The following TMEM229B variants were observed in gnomAD, a reference collection of about 807,000 sequenced individuals.
TMEM229B encodes the protein transmembrane protein 229B, also known as chromosome 14 open reading frame 83.
TMEM229B carries 6 observed loss-of-function variants against 13.7 expected under a neutral mutation model. That is an observed-to-expected ratio of 0.44 (90% CI 0.24 to 0.86). TMEM229B has a LOEUF of 0.86. Among genes scored for constraint, TMEM229B ranks in the 40% least tolerant of loss-of-function variants. TMEM229B has a pLI of 0.23. For synonymous variants in TMEM229B, 107 were observed against 102.1 expected (o/e 1.05, Z -0.29); for missense variants, 170 against 236.0 (o/e 0.72, Z 1.83).
At chr14:67,515,056 G>A (rs2033157949) in intron 1 of TMEM229B, 1 of 152,358 alleles carries the variant, frequency 6.6e-6, no homozygotes, top group South Asian at 2.1e-4. Flanking sequence ...GCGGCGGAAA[G>A]GCCTCTCTGC....
chr14:67,501,290 A>C (rs1005093477), intron 1 of TMEM229B, among the ~76,000 whole-genome samples: 1 of 152,126 alleles, frequency 6.6e-6, no homozygotes, highest in Non-Finnish European at 1.5e-5. Context: ...GAGACAAGAC[A>C]TGCACTCAGC....
Position 67,476,041 on chromosome 14 carries a change from G to A in TMEM229B, c.-18-2100C>T, listed in dbSNP as rs115337982. ...TGTGGGACTGCATCAAGAATGGGAA[G>A]GTAGGGCTTGAGAACATAAATCCCA... On this transcript the variant is annotated intron_variant, in intron 2 of 2. Transcript: ENST00000554480. 2.4e-3 allele frequency among the ~76,000 whole-genome samples: 369 copies of A among 152,338 alleles called. 1 individual carries two copies. Among genetic ancestry groups the A allele is most frequent in the African/African-American group, 8.4e-3 (350 of 41,576 alleles).
intron 1 of TMEM229B, among the ~76,000 whole-genome samples, chr14:67,533,041 A>G (rs2033518336): frequency 1.3e-5 from 2 of 152,100 alleles, no homozygotes; most frequent in South Asian, 4.1e-4. Flanking sequence ...GGTGCGGAGA[A>G]GTGGGAGGCT....
At chr14:67,489,525 T>C (rs1010219040), upstream of TMEM229B, among the ~76,000 whole-genome samples, 2 of 152,188 alleles carry the variant, frequency 1.3e-5, no homozygotes, top group African/African-American at 2.4e-5. Context: ...TTTCAAGCAC[T>C]GTCATCTCTC....
intron 1 of TMEM229B, among the ~76,000 whole-genome samples, chr14:67,502,742 G>A (rs998932559): frequency 6.6e-6 from 1 of 151,906 alleles, no homozygotes; most frequent in Non-Finnish European, 1.5e-5. Context: ...GTGAGCCACC[G>A]CGCCGGGCCC....
intron 1 of TMEM229B, among the ~76,000 whole-genome samples, chr14:67,494,238 A>G (rs1410673024): frequency 2.6e-5 from 4 of 152,258 alleles, no homozygotes; most frequent in African/African-American, 9.6e-5. Context: ...CTCATTAACC[A>G]TGTAATTAGA....
rs8018408 is a variant in TMEM229B, at chr14:67,484,541, A to G, written c.-19+2459T>C. ...AAGCAAAAGTTCCCTGTAATCACAC[A>G]TCTTAGAGAAAGTCACTATTAATGG... On this transcript the variant is annotated intron_variant, in intron 2 of 2. Transcript: ENST00000554480. Among the ~76,000 whole-genome samples the G allele has an allele frequency of 3.9e-3, 598 of 152,336 alleles. 1 individual carries two copies. Among genetic ancestry groups the G allele is most frequent in the African/African-American group, 0.014 (566 of 41,578 alleles).
intron 1 of TMEM229B, among the ~76,000 whole-genome samples, chr14:67,500,616 G>T (rs1410311945): frequency 2.7e-5 from 4 of 145,890 alleles, no homozygotes; most frequent in African/African-American, 5.1e-5. Flanking sequence ...CTGTCCCCCA[G>T]GCTGGAGTGC....
rs2030890436 is a variant in TMEM229B, at chr14:67,473,257, C to G, written c.*163G>C. 1.1e-5 allele frequency: 11 copies of G among 963,246 alleles called. No homozygotes were observed. The highest frequency in any genetic ancestry group is 1.5e-5 in the Non-Finnish European group (10 of 660,252). The allele number at this position is 963,246 out of a possible 1,614,324, so 59.7% of individuals were successfully genotyped here. On this transcript the variant is annotated 3_prime_UTR_variant, in exon 3 of 3. Coordinates refer to ENST00000554480, the MANE Select transcript of TMEM229B (RefSeq NM_001348543.2). The surrounding 1 kb of genome is among the most constrained non-coding windows in gnomAD (Gnocchi z 6.5). ...TCCCCCAACACCTGACCACGGCCCC[C>G]CAACACCGGCCCCCGCGGACGTTAG...
At chr14:67,525,781 C>G (rs550064356) in intron 1 of TMEM229B, among the ~76,000 whole-genome samples, 1 of 152,246 alleles carries the variant, frequency 6.6e-6, no homozygotes, top group East Asian at 1.9e-4. Context: ...ACAATTTTGC[C>G]TCCCAAAAGA....
At chr14:67,498,588 A>C (rs571093188) in intron 1 of TMEM229B, among the ~76,000 whole-genome samples, 4 of 152,372 alleles carry the variant, frequency 2.6e-5, no homozygotes, top group Non-Finnish European at 5.9e-5. Context: ...TGCAATGCCA[A>C]GAAAGACGAA....
chr14:67,506,624 G>T lies in TMEM229B; in HGVS notation c.-192+8462C>A, dbSNP rs1324504123. Among the ~76,000 whole-genome samples the T allele has an allele frequency of 2.6e-5, 4 of 152,180 alleles. No homozygotes were observed. In the East Asian group the frequency reaches 7.7e-4, roughly 29 times the overall value. ...TGGTGGGTTCAGTGGGAACTCATTTGCTCCTCAACCTTGAATATGATGAAA... is the reference window on the plus strand; with the variant it reads ...TGGTGGGTTCAGTGGGAACTCATTTTCTCCTCAACCTTGAATATGATGAAA... On this transcript the variant is annotated intron_variant, in intron 1 of 2. Coordinates refer to the TMEM229B transcript ENST00000357461.
chr14:67,491,868 C>T (rs1448866440), upstream of TMEM229B, among the ~76,000 whole-genome samples: 1 of 152,224 alleles, frequency 6.6e-6, no homozygotes, highest in African/African-American at 2.4e-5. Context: ...CCAGCTCCCC[C>T]AGGAAGCAAG....
chr14:67,489,864 C>T (rs1433279405), upstream of TMEM229B, among the ~76,000 whole-genome samples: 4 of 152,126 alleles, frequency 2.6e-5, no homozygotes, highest in African/African-American at 9.7e-5. Flanking sequence ...ATGGTGGGCA[C>T]CTGTAGTCCC....
intron 1 of TMEM229B, among the ~76,000 whole-genome samples, chr14:67,497,890 C>T (rs2032455012): frequency 6.6e-6 from 1 of 151,954 alleles, no homozygotes; most frequent in African/African-American, 2.4e-5. Context: ...CTGACTGCAT[C>T]CTTCTGCCTT....
In TMEM229B at chr14:67,529,128, G is replaced by A. The variant is rs376211793; in HGVS notation, c.-192+4508C>T. ...ATTCCAATAATATGCCAGGCACTGA[G>A]GCAGGCCCTTTATCTCCATCTTTAT... On this transcript the variant is annotated intron_variant, in intron 1 of 2. Transcript: ENST00000554278. Among the ~76,000 whole-genome samples the A allele has an allele frequency of 1.8e-3, 281 of 152,180 alleles. 12 individuals are homozygous for A. In the South Asian group the frequency reaches 0.058, roughly 31 times the overall value.
chr14:67,516,395 GA>G (rs1566704649), upstream of TMEM229B, among the ~76,000 whole-genome samples: 6 of 124,654 alleles, frequency 4.8e-5, no homozygotes, highest in African/African-American at 1.5e-4. Context: ...AACCTAGCTG[GA>G]GAGGGGGGGA....
At chr14:67,525,965 C>T (rs1039635069) in intron 1 of TMEM229B, among the ~76,000 whole-genome samples, 2 of 152,178 alleles carry the variant, frequency 1.3e-5, no homozygotes, top group Non-Finnish European at 2.9e-5. Context: ...ACAGCAGCCC[C>T]GTGTCAGCCC....
In TMEM229B at chr14:67,472,321, T is replaced by C. The variant is rs557136624; in HGVS notation, c.*1099A>G. ...CTGGCTTCTCCATCCCATAGAAAGC[T>C]AGACTGCTCAGTTTTGGCTTGAAAA... On this transcript the variant is annotated 3_prime_UTR_variant, in exon 3 of 3. Coordinates refer to ENST00000554480, the MANE Select transcript of TMEM229B (RefSeq NM_001348543.2). 2 of 152,448 alleles carry C rather than the reference T, an allele frequency of 1.3e-5. No homozygotes were observed. The highest frequency in any genetic ancestry group is 4.1e-4 in the South Asian group (2 of 4,832). 9.4% of individuals were successfully genotyped at this position (152,448 alleles called of 1,614,324 possible). A position where few individuals can be genotyped will look rare whatever the true frequency, so the allele number is the denominator to read the frequency against.
Sources: allele counts gnomAD v4.1 joint callset (sites outside exome capture counted in the v4.1 genomes callset), GRCh38; gene constraint gnomAD v4.1.1; non-coding constraint Gnocchi (gnomAD v3.1); transcripts MANE v1.5; gene names NCBI Gene and HGNC (gene_info 2026-07-23, HGNC 2026-07-21).